Variants in PCDHA5 observed in about 807,000 individuals in gnomAD.
PCDHA5 encodes protocadherin alpha-5.
PCDHA5 carries 43 observed loss-of-function variants against 61.6 expected under a neutral mutation model. The observed-to-expected ratio is 0.70, with a 90% confidence interval of 0.55 to 0.90. The LOEUF (loss-of-function observed/expected upper bound fraction) is 0.90, where lower values mean the gene tolerates loss of function less well. Ranked by LOEUF, PCDHA5 falls within the 40% of genes least tolerant of loss-of-function variation. The pLI, the probability that PCDHA5 is intolerant of heterozygous loss-of-function variation, is 0.00. For missense variants in PCDHA5, 1,298 were observed against 1,222.7 expected, an observed-to-expected ratio of 1.06 and a Z score of -0.92; for synonymous variants, 627 against 543.9, an observed-to-expected ratio of 1.15 and a Z score of -2.13.
At chr5:140,927,753 C>T (rs1435866827) in intron 1 of PCDHA5, 3 of 1,614,078 alleles carry the variant, frequency 1.9e-6, no homozygotes, top group Non-Finnish European at 2.5e-6. Flanking sequence ...TTCACGTGCA[C>T]CCTAAAAGTG....
chr5:140,830,137 G>A (rs2150181719), intron 1 of PCDHA5: 44 of 1,613,174 alleles, frequency 2.7e-5, no homozygotes, highest in African/African-American at 1.2e-4. Flanking sequence ...CATCACGGGC[G>A]TCGGTGGGCG....
intron 1 of PCDHA5, chr5:140,827,917 G>T: frequency 1.1e-6 from 1 of 901,262 alleles, no homozygotes; most frequent in East Asian, 2.4e-5. Context: ...TGATGTCGCT[G>T]TCTACCATGA....
At chr5:140,931,396 G>C (rs1554208395) in intron 1 of PCDHA5, among the ~76,000 whole-genome samples, 1 of 152,000 alleles carries the variant, frequency 6.6e-6, no homozygotes, top group Non-Finnish European at 1.5e-5. Flanking sequence ...ATAAGTAAGC[G>C]ATAGGAAGGC....
chr5:140,872,246 G>A (rs2053563930), intron 1 of PCDHA5, among the ~76,000 whole-genome samples: 1 of 151,488 alleles, frequency 6.6e-6, no homozygotes, highest in Non-Finnish European at 1.5e-5. Flanking sequence ...TTATTCCTGT[G>A]ATAATACTTG....
chr5:140,854,252 TA>T, intron 1 of PCDHA5: 1 of 628,060 alleles, frequency 1.6e-6, no homozygotes, highest in Non-Finnish European at 2.0e-6. Flanking sequence ...TCACTTGGTA[TA>T]AAATGTACAT....
chr5:140,962,068 G>C (rs2095654419), intron 1 of PCDHA5, among the ~76,000 whole-genome samples: 1 of 151,882 alleles, frequency 6.6e-6, no homozygotes, highest in African/African-American at 2.4e-5. Context: ...GTATTTTTTA[G>C]TAGAGACGGG....
chr5:140,857,100 T>G (rs782765383), intron 1 of PCDHA5: 1 of 1,597,740 alleles, frequency 6.3e-7, no homozygotes. Context: ...GAGGTGATTG[T>G]CACTTCTCTG....
chr5:140,974,945 A>G (rs2096646889), intron 1 of PCDHA5, among the ~76,000 whole-genome samples: 1 of 152,180 alleles, frequency 6.6e-6, no homozygotes, highest in African/African-American at 2.4e-5. Flanking sequence ...CCTATTTGTT[A>G]TCTCACAGTC....
Position 140,871,550 on chromosome 5 carries a change from C to A in PCDHA5, c.2352+47423C>A, listed in dbSNP as rs369025500. On this transcript the variant is annotated intron_variant, in intron 1 of 3. Transcript: ENST00000529859. The stretch of plus-strand genomic sequence containing the variant: ...AAGTGTATGTGAAATTATTTAAAAT[C>A]CAGTTTTTTTTCACGGATTTTTTAA... The A allele has an allele frequency of 1.6e-4, 246 of 1,495,268 alleles. 8 individuals are homozygous for A. In the South Asian group the frequency reaches 3.1e-3, roughly 19 times the overall value. The allele number at this position is 1,495,268 out of a possible 1,614,324, so 92.6% of individuals were successfully genotyped here.
intron 1 of PCDHA5, chr5:140,834,408 C>A (rs1422955156): frequency 1.9e-6 from 3 of 1,609,996 alleles, no homozygotes; most frequent in Non-Finnish European, 2.5e-6. Context: ...TGGATACGAC[C>A]CAGGGGGCCG....
chr5:140,987,138 C>T (rs2097231368), intron 3 of PCDHA5, among the ~76,000 whole-genome samples: 1 of 151,182 alleles, frequency 6.6e-6, no homozygotes, highest in Non-Finnish European at 1.5e-5. Context: ...TGCTTGAACT[C>T]GGGAGGTGGA....
chr5:140,998,491 A>G (rs994652769), intron 3 of PCDHA5, among the ~76,000 whole-genome samples: 15 of 152,288 alleles, frequency 9.8e-5, no homozygotes, highest in African/African-American at 3.1e-4. Flanking sequence ...TAACTCTTTG[A>G]GAACAGGGTA....
Position 140,859,254 on chromosome 5 carries a change from G to T in PCDHA5, c.2352+35127G>T, listed in dbSNP as rs1005222858. 2 of 131,816 alleles carry T rather than the reference G, an allele frequency of 1.5e-5. 1 individual carries two copies. The allele number at this position is 131,816 out of a possible 1,614,324, so 8.2% of individuals were successfully genotyped here. ...AGTCATGCTTATGTTTAATAATGAA[G>T]AGAATTTGAACACTTTTTACTTTTG... On this transcript the variant is annotated intron_variant, in intron 1 of 3. Transcript: ENST00000529859.
chr5:140,900,271 G>A (rs1055315411), intron 1 of PCDHA5, among the ~76,000 whole-genome samples: 2 of 151,762 alleles, frequency 1.3e-5, no homozygotes, highest in Non-Finnish European at 2.9e-5. Flanking sequence ...TTGTGTATAT[G>A]TACCACACTT....
At chr5:140,847,099 C>T (rs1780855366) in intron 1 of PCDHA5, among the ~76,000 whole-genome samples, 1 of 149,656 alleles carries the variant, frequency 6.7e-6, no homozygotes. Context: ...TTGGTTAAAA[C>T]ACACAGTCTG....
At chr5:140,826,525 A>G (rs1377538782) in intron 1 of PCDHA5, among the ~76,000 whole-genome samples, 2 of 152,162 alleles carry the variant, frequency 1.3e-5, no homozygotes, top group East Asian at 3.8e-4. Flanking sequence ...GTCATTTGAA[A>G]AGTCTTATTG....
chr5:140,941,255 C>CTTTCTTTTTCTT (rs782490896), intron 1 of PCDHA5, among the ~76,000 whole-genome samples: 1 of 44,508 alleles, frequency 2.2e-5, no homozygotes, highest in Non-Finnish European at 5.1e-5. Context: ...TTCTTTCTTT[C>CTTTCTTTTTCTT]TCTTTCTTTC....
At position 140,821,972 on chromosome 5, in the gene PCDHA5, C is replaced by T. The variant is rs2150112402; in HGVS notation, c.197C>T (p.Ala66Val). The change falls in exon 1 of 4, where the codon GCG becomes GTG. Residue 66 changes from alanine (A) to valine (V), a missense_variant. Physicochemically the swap from Ala to Val is moderately conservative, Grantham distance 64 (BLOSUM62 0). Transcript: ENST00000529859. ...CTGGTGCCGCGCCTGTTCCGGGTGG[C>T]GTCCAAGGGCCGCGGGGACCTTCTG... ...AELVPRLFRV[A>V]SKGRGDLLEV... The T allele has an allele frequency of 7.4e-6, 12 of 1,614,018 alleles. No homozygotes were observed. In the African/African-American group the frequency reaches 9.3e-5, roughly 13 times the overall value.
rs537367595 is a variant in PCDHA5, at chr5:140,855,783, A to G, written c.2352+31656A>G. The G allele has an allele frequency of 2.9e-4, 123 of 423,664 alleles. 6 individuals carry two copies. Among genetic ancestry groups the G allele is most frequent in the Non-Finnish European group, 4.5e-4 (106 of 237,548 alleles). 26.2% of individuals were successfully genotyped at this position (423,664 alleles called of 1,614,324 possible). On this transcript the variant is annotated intron_variant, in intron 1 of 3. Coordinates refer to ENST00000529859, the MANE Select transcript of PCDHA5 (RefSeq NM_018908.3). ...TCCATAGACATAAAAATACGTAAAA[A>G]AAGAATTAACATATGAATGAAAGAA...
Sources: allele counts gnomAD v4.1 joint callset (sites outside exome capture counted in the v4.1 genomes callset), GRCh38; gene constraint gnomAD v4.1.1; transcripts MANE v1.5; gene names NCBI Gene and HGNC (gene_info 2026-07-23, HGNC 2026-07-21).